The following PCDH15 variants were observed in gnomAD, a reference collection of about 807,000 sequenced individuals.
The protein encoded by PCDH15 is protocadherin related 15.
PCDH15 carries 129 observed loss-of-function variants against 178.5 expected under a neutral mutation model. The observed-to-expected ratio is 0.72, with a 90% confidence interval of 0.63 to 0.84. The LOEUF is 0.84. Among genes scored for constraint, PCDH15 ranks in the 40% least tolerant of loss-of-function variants. The pLI is 0.00. For synonymous variants in PCDH15, 800 were observed against 732.0 expected, an observed-to-expected ratio of 1.09 and a Z score of -1.50; for missense variants, 2,230 against 2,099.9, an observed-to-expected ratio of 1.06 and a Z score of -1.21.
At chr10:55,574,729 A>G (rs1315710335) in intron 2 of PCDH15, among the ~76,000 whole-genome samples, 9 of 152,068 alleles carry the variant, frequency 5.9e-5, no homozygotes, top group African/African-American at 7.2e-5. Context: ...AACCAACAAT[A>G]TAATAGACAA....
intron 1 of PCDH15, among the ~76,000 whole-genome samples, chr10:54,729,636 A>G (rs1363473162): frequency 6.6e-6 from 1 of 151,838 alleles, no homozygotes; most frequent in Non-Finnish European, 1.5e-5. Flanking sequence ...ATGGGATAAA[A>G]TATTTGTAAA....
At chr10:54,527,171 G>A (rs1453089509) in intron 3 of PCDH15, among the ~76,000 whole-genome samples, 6 of 151,996 alleles carry the variant, frequency 3.9e-5, no homozygotes, top group African/African-American at 9.7e-5. Flanking sequence ...CTACATTAAC[G>A]TTCAGAGAGT....
chr10:54,924,424 T>C (rs889957867), intron 2 of PCDH15, among the ~76,000 whole-genome samples: 1 of 138,122 alleles, frequency 7.2e-6, no homozygotes, highest in Admixed American at 7.1e-5. Context: ...TGTGTCTTTA[T>C]GACTGGACAA....
intron 2 of PCDH15, among the ~76,000 whole-genome samples, chr10:54,929,647 C>T (rs1706756): frequency 0.45 from 68,612 of 151,586 alleles, 15,695 homozygotes; most frequent in Middle Eastern, 0.53. Context: ...CCCTTTACAA[C>T]TGACAGAAAA....
chr10:54,089,856 G>T, intron 16 of PCDH15, 128 bp downstream of exon 16: 1 of 719,988 alleles, frequency 1.4e-6, no homozygotes, highest in Non-Finnish European at 2.4e-6. Flanking sequence ...GCTACCATTA[G>T]CATTCATAGA....
At chr10:54,937,525 T>G (rs907277237) in intron 2 of PCDH15, among the ~76,000 whole-genome samples, 3 of 151,990 alleles carry the variant, frequency 2.0e-5, no homozygotes, top group African/African-American at 7.2e-5. Context: ...TGTCTAAGAC[T>G]TTCACTTATT....
At chr10:54,003,807 A>C (rs1038583758) in intron 20 of PCDH15, among the ~76,000 whole-genome samples, 3 of 151,234 alleles carry the variant, frequency 2.0e-5, no homozygotes, top group Admixed American at 2.0e-4. Context: ...AGACAATAAT[A>C]CTGATACCAA....
intron 2 of PCDH15, among the ~76,000 whole-genome samples, chr10:54,562,811 C>A (rs376019584): frequency 5.5e-4 from 83 of 152,130 alleles, no homozygotes; most frequent in African/African-American, 1.9e-3. Flanking sequence ...GAAACCAAAT[C>A]ATTTCAGGTC....
chr10:55,173,665 G>A (rs1052974260), intron 1 of PCDH15, among the ~76,000 whole-genome samples: 2 of 152,028 alleles, frequency 1.3e-5, no homozygotes, highest in African/African-American at 4.8e-5. Flanking sequence ...TATTGAGCCA[G>A]TATTCATGTT....
intron 4 of PCDH15, among the ~76,000 whole-genome samples, chr10:54,375,096 TG>T (rs1274629507): frequency 1.3e-5 from 2 of 152,126 alleles, no homozygotes; most frequent in South Asian, 4.1e-4. Flanking sequence ...ATGGTATAAT[TG>T]GATATGGATC....
intron 3 of PCDH15, among the ~76,000 whole-genome samples, chr10:54,406,487 C>A (rs1260945145): frequency 6.6e-6 from 1 of 152,026 alleles, no homozygotes; most frequent in Non-Finnish European, 1.5e-5. Context: ...TCCTCTTCTG[C>A]CTCTTTTTCT....
intron 26 of PCDH15, among the ~76,000 whole-genome samples, chr10:53,888,483 GATA>G (rs1424675510): frequency 1.4e-5 from 2 of 140,298 alleles, no homozygotes; most frequent in Non-Finnish European, 1.5e-5. Flanking sequence ...GTAATAGATA[GATA>G]ATATCAAACT....
intron 2 of PCDH15, among the ~76,000 whole-genome samples, chr10:55,414,768 GGGGTGT>G (rs1456742802): frequency 2.0e-4 from 19 of 94,278 alleles, no homozygotes; most frequent in African/African-American, 6.3e-4. Flanking sequence ...TTTCTAACAA[GGGGTGT>G]GTGTGTGTGT....
chr10:55,428,009 C>T (rs1354324943), intron 2 of PCDH15, among the ~76,000 whole-genome samples: 2 of 152,006 alleles, frequency 1.3e-5, no homozygotes, highest in African/African-American at 4.8e-5. Flanking sequence ...AGAGAGACTA[C>T]ATACTTCATA....
chr10:54,456,677 TA>T (rs2076844096), intron 3 of PCDH15, among the ~76,000 whole-genome samples: 1 of 152,056 alleles, frequency 6.6e-6, no homozygotes, highest in African/African-American at 2.4e-5. Context: ...TGGGAGGGAC[TA>T]GGGGTAGAAT....
chr10:55,084,394 CT>C (rs1252170929), intron 2 of PCDH15, among the ~76,000 whole-genome samples: 3 of 149,744 alleles, frequency 2.0e-5, no homozygotes, highest in Admixed American at 1.4e-4. Flanking sequence ...AACTAGACCC[CT>C]ATCTCTTGCC....
At chr10:55,371,778 T>G (rs1038538753) in intron 2 of PCDH15, among the ~76,000 whole-genome samples, 4 of 152,154 alleles carry the variant, frequency 2.6e-5, no homozygotes, top group Admixed American at 1.3e-4. Flanking sequence ...CTCAGGTAGT[T>G]TTTTATAGCT....
chr10:54,351,332 T>C (rs1389697129), intron 5 of PCDH15, among the ~76,000 whole-genome samples: 3 of 152,214 alleles, frequency 2.0e-5, no homozygotes, highest in Non-Finnish European at 4.4e-5. Flanking sequence ...CATTGAAATG[T>C]ATGCAAAAAC....
rs113664871 is a variant in PCDH15, at chr10:55,078,732, A to G, written c.-80+87844T>C. 4.2e-3 allele frequency among the ~76,000 whole-genome samples: 633 copies of G among 152,228 alleles called. 2 individuals carry two copies. Among genetic ancestry groups the G allele is most frequent in the Non-Finnish European group, 5.4e-3 (370 of 68,012 alleles). ...ATTTTAGTGTACCTGTTACCTGAGC[A>G]GTATACACTGTACCAAATACGTAGT... On this transcript the variant is annotated intron_variant, in intron 2 of 5. Coordinates refer to the PCDH15 transcript ENST00000458638.
Sources: allele counts gnomAD v4.1 joint callset (sites outside exome capture counted in the v4.1 genomes callset), GRCh38; gene constraint gnomAD v4.1.1; transcripts MANE v1.5; gene names NCBI Gene and HGNC (gene_info 2026-07-23, HGNC 2026-07-21).